Variants in KCNH8 observed in about 807,000 individuals in gnomAD.
KCNH8 encodes voltage-gated delayed rectifier potassium channel KCNH8.
A neutral mutation model predicts 103.6 loss-of-function variants in KCNH8; 70 were observed. The ratio of observed to expected loss-of-function variants is 0.68; its 90% CI spans 0.56 to 0.82. The LOEUF (loss-of-function observed/expected upper bound fraction) is 0.82, where lower values mean the gene tolerates loss of function less well. KCNH8 is among the 40% of genes least tolerant of loss of function. The pLI, the probability that KCNH8 is intolerant of heterozygous loss-of-function variation, is 0.00. For missense variants in KCNH8, 1,217 were observed against 1,329.9 expected, an observed-to-expected ratio of 0.92 and a Z score of 1.32; for synonymous variants, 498 against 489.4, an observed-to-expected ratio of 1.02 and a Z score of -0.23.
At chr3:19,284,160 A>C (rs1243250905) in intron 3 of KCNH8, among the ~76,000 whole-genome samples, 3 of 152,104 alleles carry the variant, frequency 2.0e-5, no homozygotes, top group Non-Finnish European at 4.4e-5. Flanking sequence ...AAACTAAATG[A>C]GTGCATGACA....
At chr3:19,350,187 A>C (rs7653013) in intron 5 of KCNH8, among the ~76,000 whole-genome samples, 35,789 of 152,072 alleles carry the variant, frequency 0.24, 4,649 homozygotes, top group Middle Eastern at 0.32. Context: ...TTTATTCTAT[A>C]AAATATTTCA....
rs370458171 is a variant in KCNH8, at chr3:19,289,238, C to T, written c.442+7909C>T. 3.3e-3 allele frequency among the ~76,000 whole-genome samples: 494 copies of T among 151,970 alleles called. 23 individuals carry two copies. In the East Asian group the frequency reaches 0.083, roughly 26 times the overall value. ...AGAAGCTCTTTAGTTTAATTAGATC[C>T]CATTTGTCAATTTTGGCTTTTGTTG... On this transcript the variant is annotated intron_variant, in intron 3 of 15. Coordinates refer to ENST00000328405, the MANE Select transcript of KCNH8 (RefSeq NM_144633.3).
intron 11 of KCNH8, among the ~76,000 whole-genome samples, chr3:19,470,757 T>C (rs936022251): frequency 6.6e-6 from 1 of 152,192 alleles, no homozygotes; most frequent in African/African-American, 2.4e-5. Flanking sequence ...ATTGTATGAA[T>C]TGTGGGTCTC....
At chr3:19,512,316 G>T (rs553428335) in intron 12 of KCNH8, among the ~76,000 whole-genome samples, 37 of 152,244 alleles carry the variant, frequency 2.4e-4, no homozygotes, top group African/African-American at 8.7e-4. Context: ...GTTACAGGAT[G>T]GGTTTTGGCA....
In KCNH8 at chr3:19,533,593, G is replaced by C. The variant is rs1343577262; in HGVS notation, c.2818G>C (p.Gly940Arg). 3.1e-6 allele frequency: 5 copies of C among 1,614,174 alleles called. No individual in the cohort carries two copies. The highest frequency in any genetic ancestry group is 1.7e-5 in the Admixed American group (1 of 60,030). Residue 940 changes from glycine to arginine, a missense_variant, in exon 16 of 16, where the codon GGC (glycine) becomes CGC (arginine). This residue lies in a region of KCNH8 where 558 missense variants were observed against 495.8 expected (regional missense o/e 1.13). Transcript: ENST00000328405. Reference protein sequence around the residue: ...AHQPCLHLQTGGAAYTQAQLC... With the variant: ...AHQPCLHLQTRGAAYTQAQLC... ...CCAGCCTTGCCTACACTTGCAAACA[G>C]GCGGGGCTGCTTATACCCAAGCACA...
intron 11 of KCNH8, among the ~76,000 whole-genome samples, chr3:19,500,571 A>C (rs2068556887): frequency 6.6e-6 from 1 of 152,250 alleles, no homozygotes; most frequent in South Asian, 2.1e-4. Flanking sequence ...CAGAAATTAT[A>C]ACAAACTATC....
At chr3:19,313,109 G>A (rs552107387) in intron 3 of KCNH8, among the ~76,000 whole-genome samples, 4 of 152,014 alleles carry the variant, frequency 2.6e-5, no homozygotes, top group Admixed American at 1.3e-4. Flanking sequence ...GGAACACAAA[G>A]GTAATTCAGG....
intron 1 of KCNH8, among the ~76,000 whole-genome samples, chr3:19,201,254 A>AAAAAAAAAAAAAG (rs1559419872): frequency 2.8e-5 from 4 of 143,500 alleles, no homozygotes; most frequent in Non-Finnish European, 3.1e-5. Flanking sequence ...AAAAAAAAAA[A>AAAAAAAAAAAAAG]AAAAAAAAGA....
chr3:19,429,577 C>T (rs2067088721), intron 7 of KCNH8, among the ~76,000 whole-genome samples: 1 of 152,010 alleles, frequency 6.6e-6, no homozygotes, highest in Non-Finnish European at 1.5e-5. Context: ...AGAACAGTTT[C>T]TTTTTTTTAA....
At chr3:19,304,111 A>G (rs2065098537) in intron 3 of KCNH8, among the ~76,000 whole-genome samples, 1 of 152,186 alleles carries the variant, frequency 6.6e-6, no homozygotes, top group Non-Finnish European at 1.5e-5. Flanking sequence ...TGGCTCCTAT[A>G]ATTCTAGCAG....
chr3:19,169,383 C>A (rs1559406149), intron 1 of KCNH8, among the ~76,000 whole-genome samples: 1 of 151,816 alleles, frequency 6.6e-6, no homozygotes, highest in African/African-American at 2.4e-5. Flanking sequence ...TTCAGCCTCC[C>A]GAGTACCTGG....
intron 11 of KCNH8, among the ~76,000 whole-genome samples, chr3:19,479,061 G>A (rs1181003778): frequency 6.6e-6 from 1 of 152,130 alleles, no homozygotes; most frequent in East Asian, 1.9e-4. Context: ...AGGTTACATA[G>A]CTAATAATTG....
At chr3:19,268,591 ATTTCAT>A (rs2064546405) in intron 2 of KCNH8, among the ~76,000 whole-genome samples, 1 of 152,126 alleles carries the variant, frequency 6.6e-6, no homozygotes, top group African/African-American at 2.4e-5. Flanking sequence ...CATGATGAAA[ATTTCAT>A]TTAACAAAGA....
chr3:19,252,419 C>A (rs1340685119), intron 1 of KCNH8, among the ~76,000 whole-genome samples: 1 of 149,772 alleles, frequency 6.7e-6, no homozygotes, highest in South Asian at 2.1e-4. Flanking sequence ...GACGGAGTTT[C>A]GCTCTTGTTG....
chr3:19,449,713 A>G (rs1320697849), intron 8 of KCNH8, among the ~76,000 whole-genome samples: 2 of 152,108 alleles, frequency 1.3e-5, no homozygotes, highest in African/African-American at 4.8e-5. Flanking sequence ...CTTTTCTATC[A>G]AACAATGAAG....
intron 8 of KCNH8, chr3:19,448,909 A>T: frequency 7.2e-6 from 8 of 1,105,570 alleles, no homozygotes; most frequent in South Asian, 1.3e-5. Flanking sequence ...AACGTGCTTG[A>T]CCCTCATCTT....
At chr3:19,163,976 C>T (rs1027437200) in intron 1 of KCNH8, among the ~76,000 whole-genome samples, 4 of 152,098 alleles carry the variant, frequency 2.6e-5, no homozygotes, top group Admixed American at 6.6e-5. Flanking sequence ...GTAAGACTTC[C>T]AGTCAACAGC....
Position 19,223,259 on chromosome 3 carries a change from C to T in KCNH8, c.77-30395C>T, listed in dbSNP as rs115366842. 7.7e-3 allele frequency among the ~76,000 whole-genome samples: 1,171 copies of T among 152,210 alleles called. 16 individuals are homozygous for T. Among genetic ancestry groups the T allele is most frequent in the African/African-American group, 0.026 (1,077 of 41,530 alleles). On this transcript the variant is annotated intron_variant, in intron 1 of 15. Coordinates refer to ENST00000328405, the MANE Select transcript of KCNH8 (RefSeq NM_144633.3). ...TTATTCAACAACTCTGTACTAAGGT[C>T]TCAACGTAAAATTAAATTTGCATAT...
intron 3 of KCNH8, among the ~76,000 whole-genome samples, chr3:19,306,415 A>G (rs1341438913): frequency 6.6e-6 from 1 of 152,144 alleles, no homozygotes; most frequent in Non-Finnish European, 1.5e-5. Flanking sequence ...TATAAAGAAA[A>G]CAAATGAGAG....
Sources: gnomAD v4.1 joint callset for allele counts (sites outside exome capture counted in the v4.1 genomes callset) on GRCh38, gnomAD v4.1.1 for gene constraint, gnomAD v4.1.1 regional missense constraint, MANE v1.5 for transcripts, NCBI Gene and HGNC (gene_info 2026-07-23, HGNC 2026-07-21) for gene names.